SNX20: variants seen among roughly 807,000 people sequenced by gnomAD.
SNX20 encodes sorting nexin 20, also known as sorting nexin-20.
In SNX20, 21 loss-of-function variants were observed where a neutral mutation model predicts 24.5. The observed-to-expected ratio is 0.86, with a 90% CI of 0.61 to 1.23. The LOEUF (loss-of-function observed/expected upper bound fraction) is 1.23. Ranked by LOEUF, SNX20 falls within the 50% of genes most tolerant of loss-of-function variation. SNX20 has a pLI of 0.00. For missense variants in SNX20, 433 were observed against 430.8 expected, an observed-to-expected ratio of 1.00 and a Z score of -0.04; for synonymous variants, 206 against 192.8, an observed-to-expected ratio of 1.07 and a Z score of -0.57.
Position 50,673,903 on chromosome 16 carries a change from C to T in SNX20, c.454G>A (p.Glu152Lys), listed in dbSNP as rs1213243183. ...GCGCGCCGACGCTCACAGATCATCT[C>T]CTCAGCGAAGTTCCCAGTCAGGTGC... is the stretch of plus-strand genomic sequence containing the variant. ...RKHLTGNFAEEMICERRRALQ... is the reference protein window; with the variant it reads ...RKHLTGNFAEKMICERRRALQ... Residue 152 changes from glutamate to lysine, a missense_variant, in exon 4 of 4, where the codon GAG (glutamate) becomes AAG (lysine). Transcript: ENST00000330943. This position sits in a 1 kb window ranked among gnomAD's most constrained non-coding sequence, Gnocchi z 4.1. The T allele has an allele frequency of 1.2e-6, 2 of 1,611,336 alleles. No homozygotes were observed. Among genetic ancestry groups the T allele is most frequent in the Non-Finnish European group, 1.7e-6 (2 of 1,179,684 alleles).
In SNX20 at chr16:50,673,611, G is replaced by C; in HGVS notation, c.746C>G (p.Ala249Gly). 1 of 1,574,934 alleles carries C rather than the reference G, an allele frequency of 6.3e-7. No individual in the cohort carries two copies. ...DLDRPAEAFA[A>G]GERALQRLQA... ...CAGGCGCTGCAGGGCCCTCTCTCCG[G>C]CCGCGAAGGCCTCGGCGGGGCGGTC... The change falls in exon 4 of 4, where the codon GCC becomes GGC. Residue 249 changes from alanine to glycine, a missense_variant. Ala to Gly is a moderately conservative substitution (Grantham distance 60). Coordinates refer to ENST00000330943, the MANE Select transcript of SNX20 (RefSeq NM_182854.4). The surrounding 1 kb of genome is among the most constrained non-coding windows in gnomAD (Gnocchi z 4.1).
chr16:50,675,903 C>A lies in SNX20; in HGVS notation c.149G>T (p.Ser50Ile), dbSNP rs772609651. The A allele has an allele frequency of 8.7e-6, 14 of 1,609,532 alleles. No individual in the cohort carries two copies. Among genetic ancestry groups the A allele is most frequent in the Non-Finnish European group, 1.2e-5 (14 of 1,178,648 alleles). The stretch of plus-strand genomic sequence containing the variant: ...CCGCGTGGTCATGCTGGAGTTGGAG[C>A]TCAGGCCACTGTGTGTGTCTGGAAG... The part of the protein sequence containing the change: ...DGHLDTHSGL[S>I]SNSSMTTREL... Residue 50 changes from serine to isoleucine, a missense_variant, in exon 3 of 4, where the codon AGC becomes ATC. Coordinates refer to ENST00000330943, the MANE Select transcript of SNX20 (RefSeq NM_182854.4).
chr16:50,670,698 G>A (rs1963027627), downstream of SNX20: 1 of 152,312 alleles, frequency 6.6e-6, no homozygotes, highest in South Asian at 2.1e-4. Context: ...CAAGGAACGA[G>A]TGGGCTCTAA....
chr16:50,668,005 G>A (rs930610383), downstream of SNX20: 3 of 1,551,472 alleles, frequency 1.9e-6, no homozygotes, highest in East Asian at 4.9e-5. Context: ...TCCATCTGAG[G>A]GTCTTGATAT....
At chr16:50,679,970 A>T (rs778210624) in intron 1 of SNX20, among the ~76,000 whole-genome samples, 2 of 152,156 alleles carry the variant, frequency 1.3e-5, no homozygotes, top group Non-Finnish European at 2.9e-5. Context: ...TGGCCCAGAG[A>T]CCCTGTAAGA....
rs1963209454 is a variant in SNX20 at position 50,677,472 on chromosome 16, A to G, written c.55T>C (p.Cys19Arg). Residue 19 changes from cysteine to arginine, a missense_variant, in exon 2 of 4, where the codon TGC (cysteine) becomes CGC (arginine). By Grantham distance (180) the Cys-to-Arg change is radical (BLOSUM62 -3). Transcript: ENST00000330943. ...GCTTCCTGCTGGGTCCTTGCCGTGC[A>G]CTGGGTTATGGGTCCCATGCAGCCA... ...SPGCMGPITQ[C>R]TARTQQEAPA... The G allele has an allele frequency of 6.2e-7, 1 of 1,610,234 alleles. No individual in the cohort carries two copies. Among genetic ancestry groups the G allele is most frequent in the South Asian group, 1.1e-5 (1 of 90,486 alleles).
At chr16:50,677,617 A>G in intron 1 of SNX20, 82 bp from the exon 2 acceptor site, 4 of 1,329,198 alleles carry the variant, frequency 3.0e-6, no homozygotes, top group Non-Finnish European at 3.9e-6. Flanking sequence ...GAGCTGTGTC[A>G]TGCCCCCTCC....
chr16:50,674,100 G>T, intron 3 of SNX20, 26 bp from the exon 4 acceptor site: 1 of 1,561,840 alleles, frequency 6.4e-7, no homozygotes, highest in South Asian at 1.2e-5. Context: ...AGAGAGCTGT[G>T]GCCACCTCCC....
intron 1 of SNX20, among the ~76,000 whole-genome samples, chr16:50,679,617 A>G (rs1204947750): frequency 1.3e-5 from 2 of 152,212 alleles, no homozygotes; most frequent in Non-Finnish European, 2.9e-5. Context: ...GTCAGGAGAC[A>G]TCGCCTTCCA....
chr16:50,669,249 G>C (rs557384920), downstream of SNX20: 209 of 683,494 alleles, frequency 3.1e-4, no homozygotes, highest in Admixed American at 7.9e-4. Context: ...AAAGAAAAGA[G>C]GGTTATTTGG....
chr16:50,670,740 G>A (rs909944942), downstream of SNX20: 1 of 152,320 alleles, frequency 6.6e-6, no homozygotes, highest in African/African-American at 2.4e-5. Flanking sequence ...GCCAGGAGGA[G>A]CTGGCTGTGG....
downstream of SNX20, chr16:50,668,440 G>A (rs1006855713): frequency 2.6e-6 from 2 of 767,052 alleles, no homozygotes; most frequent in South Asian, 4.2e-5. Context: ...ACAGTGATCG[G>A]TTTCATTGTG....
At position 50,671,791 on chromosome 16, in the gene SNX20, G is replaced by A. The variant is rs1265978926; in HGVS notation, c.*1615C>T. On this transcript the variant is annotated 3_prime_UTR_variant, in exon 4 of 4. Transcript: ENST00000330943. ...GGGATATCTGTCCAAAGATGAGACA[G>A]TCTGTTTCTAGTTTCCCATCCAGCC... 1 of 152,230 alleles carries A rather than the reference G, an allele frequency of 6.6e-6. No homozygotes were observed. The highest frequency in any genetic ancestry group is 1.5e-5 in the Non-Finnish European group (1 of 68,048). The allele number at this position is 152,230 out of a possible 1,614,324, so 9.4% of individuals were successfully genotyped here.
downstream of SNX20, chr16:50,668,385 C>A: frequency 1.0e-6 from 1 of 984,938 alleles, no homozygotes; most frequent in Non-Finnish European, 1.3e-6. Flanking sequence ...CCAGCGGCCT[C>A]AGGCTCAGGG....
intron 2 of SNX20, among the ~76,000 whole-genome samples, chr16:50,676,756 C>T (rs1237415606): frequency 6.6e-6 from 1 of 152,220 alleles, no homozygotes; most frequent in East Asian, 1.9e-4. Context: ...TCTACCAAAC[C>T]TCAGGACTAG....
rs961701611 is a variant in SNX20 at position 50,672,802 on chromosome 16, A to G, written c.*604T>C. 7 of 152,134 alleles carry G rather than the reference A, an allele frequency of 4.6e-5. No individual in the cohort carries two copies. Among genetic ancestry groups the G allele is most frequent in the Admixed American group, 4.6e-4 (7 of 15,264 alleles). The allele number at this position is 152,134 out of a possible 1,614,324, so 9.4% of individuals were successfully genotyped here. A position where few individuals can be genotyped will look rare whatever the true frequency, so the allele number is the denominator to read the frequency against. ...TCCCACAAAGACACTGGTGGGGTGG[A>G]CACTGCTCTGGACGGTTTTGGCAGT... On this transcript the variant is annotated 3_prime_UTR_variant, in exon 4 of 4. Coordinates refer to ENST00000330943, the MANE Select transcript of SNX20 (RefSeq NM_182854.4).
intron 1 of SNX20, among the ~76,000 whole-genome samples, chr16:50,678,328 C>T (rs1178634533): frequency 1.3e-5 from 2 of 152,326 alleles, no homozygotes; most frequent in Non-Finnish European, 2.9e-5. Flanking sequence ...ACTTCATACC[C>T]ATCTAGGTTC....
downstream of SNX20, chr16:50,667,689 T>C (rs970051115): frequency 2.7e-6 from 1 of 371,958 alleles, no homozygotes; most frequent in East Asian, 4.8e-5. Flanking sequence ...AACTTAGCCC[T>C]ACCAGCAGGT....
At position 50,672,144 on chromosome 16, in the gene SNX20, A is replaced by G. The variant is rs1372945608; in HGVS notation, c.*1262T>C. 6.6e-6 allele frequency: 1 copy of G among 152,172 alleles called. No homozygotes were observed. Among genetic ancestry groups the G allele is most frequent in the East Asian group, 1.9e-4 (1 of 5,192 alleles). The allele number at this position is 152,172 out of a possible 1,614,324, so 9.4% of individuals were successfully genotyped here. A position where few individuals can be genotyped will look rare whatever the true frequency, so the allele number is the denominator to read the frequency against. ...TCTGGGCCTGTGGTGTCCTTTCCAGACAGCAGACCTCAGTTAAGGGCATCC... is the reference window on the plus strand; with the variant it reads ...TCTGGGCCTGTGGTGTCCTTTCCAGGCAGCAGACCTCAGTTAAGGGCATCC... On this transcript the variant is annotated 3_prime_UTR_variant, in exon 4 of 4. Transcript: ENST00000330943.
Sources: allele counts gnomAD v4.1 joint callset (sites outside exome capture counted in the v4.1 genomes callset), GRCh38; gene constraint gnomAD v4.1.1; non-coding constraint Gnocchi (gnomAD v3.1); transcripts MANE v1.5; gene names NCBI Gene and HGNC (gene_info 2026-07-23, HGNC 2026-07-21).